The following RBFOX1 variants were observed in gnomAD, a reference collection of about 807,000 sequenced individuals.
RBFOX1 encodes the protein RNA binding protein fox-1 homolog 1.
In RBFOX1, 8 loss-of-function variants were observed where a neutral mutation model predicts 57.7. The observed-to-expected ratio is 0.14, with a 90% CI of 0.08 to 0.25. The LOEUF (loss-of-function observed/expected upper bound fraction) is 0.25. Ranked by LOEUF, RBFOX1 falls within the 10% of genes least tolerant of loss-of-function variation. The probability of loss-of-function intolerance (pLI) is 1.00; values close to 1 mark genes in which losing one functional copy is unlikely to be tolerated. For synonymous variants in RBFOX1, 326 were observed against 222.4 expected, an observed-to-expected ratio of 1.47 and a Z score of -4.15; for missense variants, 611 against 548.5, an observed-to-expected ratio of 1.11 and a Z score of -1.14.
intron 4 of RBFOX1, among the ~76,000 whole-genome samples, chr16:7,175,670 C>T (rs941833323): frequency 6.6e-6 from 1 of 152,206 alleles, no homozygotes; most frequent in Admixed American, 6.5e-5. Context: ...AGCTTGAAAG[C>T]CACGTGTTAC....
At chr16:6,464,184 GC>G (rs1476632687) in intron 2 of RBFOX1, among the ~76,000 whole-genome samples, 14 of 152,152 alleles carry the variant, frequency 9.2e-5, no homozygotes, top group African/African-American at 2.7e-4. Context: ...ACAATGAGAT[GC>G]GATCTTTACA....
intron 3 of RBFOX1, among the ~76,000 whole-genome samples, chr16:6,713,095 C>G (rs2064036608): frequency 6.6e-6 from 1 of 151,916 alleles, no homozygotes; most frequent in African/African-American, 2.4e-5. Context: ...AACCTCCTTT[C>G]CTTTATAAAT....
At chr16:7,455,602 G>C (rs1316842376) in intron 4 of RBFOX1, among the ~76,000 whole-genome samples, 1 of 151,642 alleles carries the variant, frequency 6.6e-6, no homozygotes, top group Non-Finnish European at 1.5e-5. Context: ...GACCAGCCTA[G>C]GCAACGTGGT....
chr16:7,132,859 T>G (rs554844067), intron 4 of RBFOX1, among the ~76,000 whole-genome samples: 7 of 152,268 alleles, frequency 4.6e-5, no homozygotes, highest in African/African-American at 1.7e-4. Flanking sequence ...AGCAAGAGAA[T>G]GCTGCCACGT....
chr16:5,786,133 A>G (rs538650637), intron 3 of RBFOX1, among the ~76,000 whole-genome samples: 1 of 152,116 alleles, frequency 6.6e-6, no homozygotes, highest in Non-Finnish European at 1.5e-5. Context: ...GACTTTGCTT[A>G]TATTGCTCCA....
chr16:5,699,709 C>T (rs190572470), intron 3 of RBFOX1, among the ~76,000 whole-genome samples: 20 of 152,300 alleles, frequency 1.3e-4, no homozygotes, highest in Admixed American at 1.3e-3. Flanking sequence ...CTACAATGCA[C>T]AGGACAGCTC....
chr16:7,516,237 A>G (rs561637738), intron 4 of RBFOX1, among the ~76,000 whole-genome samples: 80 of 152,178 alleles, frequency 5.3e-4, no homozygotes, highest in African/African-American at 1.8e-3. Context: ...ACTACAGCAA[A>G]ATCCCAGGGT....
At chr16:7,504,736 TA>T (rs1450548222) in intron 4 of RBFOX1, among the ~76,000 whole-genome samples, 632 of 9,608 alleles carry the variant, frequency 0.066, 14 homozygotes, top group Middle Eastern at 0.12. Context: ...TATATATATA[TA>T]TATATATATA....
intron 2 of RBFOX1, among the ~76,000 whole-genome samples, chr16:5,567,148 G>C (rs2046101413): frequency 1.3e-5 from 2 of 152,136 alleles, no homozygotes; most frequent in African/African-American, 4.8e-5. Flanking sequence ...ACAACCGAGG[G>C]AAACAAATAA....
intron 1 of RBFOX1, among the ~76,000 whole-genome samples, chr16:6,101,172 G>A (rs1277500509): frequency 1.3e-5 from 2 of 152,138 alleles, no homozygotes; most frequent in Non-Finnish European, 2.9e-5. Context: ...CAAAGAAATG[G>A]TATTTATGAG....
At chr16:7,245,535 G>T (rs780441122) in intron 4 of RBFOX1, among the ~76,000 whole-genome samples, 1 of 152,110 alleles carries the variant, frequency 6.6e-6, no homozygotes, top group Non-Finnish European at 1.5e-5. Flanking sequence ...TTTGCAAAAC[G>T]TATTTTCATA....
intron 5 of RBFOX1, among the ~76,000 whole-genome samples, chr16:7,558,879 A>G (rs1028899999): frequency 2.6e-5 from 4 of 152,268 alleles, no homozygotes; most frequent in African/African-American, 7.2e-5. Flanking sequence ...TGAAAAATGT[A>G]GATGGGATTC....
intron 3 of RBFOX1, among the ~76,000 whole-genome samples, chr16:6,842,350 A>C (rs1022848453): frequency 6.6e-6 from 1 of 152,120 alleles, no homozygotes; most frequent in Non-Finnish European, 1.5e-5. Context: ...TTGGAAAGAC[A>C]AATACTTTGT....
At chr16:7,157,687 C>G (rs1475778241) in intron 4 of RBFOX1, among the ~76,000 whole-genome samples, 2 of 152,190 alleles carry the variant, frequency 1.3e-5, no homozygotes, top group African/African-American at 2.4e-5. Context: ...CATAGCCACT[C>G]TACATGCAGT....
At chr16:6,724,431 C>T (rs1029751578) in intron 3 of RBFOX1, among the ~76,000 whole-genome samples, 2 of 152,000 alleles carry the variant, frequency 1.3e-5, no homozygotes, top group African/African-American at 2.4e-5. Flanking sequence ...TGGTCTCGAA[C>T]TCCTGACCTC....
rs549163188 is a variant in RBFOX1 at position 5,473,526 on chromosome 16, G to A, written c.258+6272G>A. On this transcript the variant is annotated intron_variant, in intron 2 of 2. Transcript: ENST00000585867. ...ACTTAGTAGAGAGTAGATAATGCAC[G>A]TTGCATGGGTGGGTAGGTGGATGGA... Among the ~76,000 whole-genome samples the A allele has an allele frequency of 9.2e-5, 14 of 152,028 alleles. No homozygotes were observed. In the East Asian group the frequency reaches 1.5e-3, roughly 17 times the overall value.
intron 4 of RBFOX1, among the ~76,000 whole-genome samples, chr16:5,964,608 TATATATCTCAC>T (rs980778317): frequency 6.6e-6 from 1 of 152,136 alleles, no homozygotes; most frequent in Non-Finnish European, 1.5e-5. Flanking sequence ...TCTATGTATA[TATATATCTCAC>T]ATATACCATA....
chr16:6,558,523 C>T lies in RBFOX1; in HGVS notation c.-63-96080C>T, dbSNP rs116892583. Among the ~76,000 whole-genome samples, 14 of 152,188 alleles carry T rather than the reference C, an allele frequency of 9.2e-5. No individual in the cohort carries two copies. The East Asian group carries it at 2.7e-3, about 29-fold the overall frequency. On this transcript the variant is annotated intron_variant, in intron 2 of 15. Transcript: ENST00000550418. ...TTGGAAGGACATTGGAAAAATCAGCCTCCTGATGTAGAACTTTGTCATGAC... is the reference window on the plus strand; with the variant it reads ...TTGGAAGGACATTGGAAAAATCAGCTTCCTGATGTAGAACTTTGTCATGAC...
intron 2 of RBFOX1, among the ~76,000 whole-genome samples, chr16:6,575,049 A>G (rs1324230797): frequency 1.2e-4 from 8 of 68,990 alleles, no homozygotes; most frequent in Non-Finnish European, 2.7e-4. Flanking sequence ...ATTAAAAAAA[A>G]AAAAAAAAAA....
Sources: allele counts gnomAD v4.1 joint callset (sites outside exome capture counted in the v4.1 genomes callset), GRCh38; gene constraint gnomAD v4.1.1; transcripts MANE v1.5; gene names NCBI Gene and HGNC (gene_info 2026-07-23, HGNC 2026-07-21).